The following ST18 variants were observed in gnomAD, a reference collection of about 807,000 sequenced individuals.
ST18 encodes ST18 C2H2C-type zinc finger transcription factor.
In ST18, 50 loss-of-function variants were observed where a neutral mutation model predicts 110.0. The observed-to-expected ratio is 0.45, with a 90% confidence interval of 0.36 to 0.58. The LOEUF (loss-of-function observed/expected upper bound fraction) is 0.58, where lower values mean the gene tolerates loss of function less well. Among genes scored for constraint, ST18 ranks in the 20% least tolerant of loss-of-function variants. ST18 has a pLI of 0.00. For synonymous variants in ST18, 461 were observed against 452.4 expected (o/e 1.02, Z -0.24); for missense variants, 1,306 against 1,280.1 (o/e 1.02, Z -0.31).
chr8:52,200,215 A>G (rs2077494011), intron 8 of ST18, among the ~76,000 whole-genome samples: 1 of 152,250 alleles, frequency 6.6e-6, no homozygotes, highest in African/African-American at 2.4e-5. Context: ...AACAAAGTAA[A>G]TAAGTAGTTG....
chr8:52,363,308 TAA>T (rs1826511967), intron 2 of ST18, among the ~76,000 whole-genome samples: 1 of 152,230 alleles, frequency 6.6e-6, no homozygotes, highest in African/African-American at 2.4e-5. Flanking sequence ...GCTATAATAT[TAA>T]GTGGGTAAAC....
chr8:52,190,808 T>A (rs1327850130), intron 8 of ST18, among the ~76,000 whole-genome samples: 2 of 152,166 alleles, frequency 1.3e-5, no homozygotes, highest in East Asian at 3.9e-4. Flanking sequence ...AAGCAGGAGG[T>A]GGCAAGTATT....
intron 2 of ST18, among the ~76,000 whole-genome samples, chr8:52,242,264 T>A (rs1305087757): frequency 6.6e-6 from 1 of 152,206 alleles, no homozygotes; most frequent in African/African-American, 2.4e-5. Context: ...TCAAATATAT[T>A]TTAAAGCAAC....
chr8:52,172,058 T>G lies in ST18; in HGVS notation c.803A>C (p.Asp268Ala). 2 of 1,614,250 alleles carry G rather than the reference T, an allele frequency of 1.2e-6. No homozygotes were observed. Among genetic ancestry groups the G allele is most frequent in the Non-Finnish European group, 1.7e-6 (2 of 1,180,050 alleles). ...DPQNALAEPL[D>A]GNAQPSFPDV... ...AGGGAATGAGGGCTGGGCATTGCCA[T>G]CCAGGGGTTCTGCGAGAGCATTCTG... The change falls in exon 10 of 26, where the codon GAT becomes GCT. Residue 268 changes from aspartate to alanine, a missense_variant. Asp to Ala is a moderately radical substitution (Grantham distance 126). Coordinates refer to ENST00000689386, the MANE Select transcript of ST18 (RefSeq NM_001352837.2).
intron 22 of ST18, among the ~76,000 whole-genome samples, chr8:52,127,257 C>T (rs1217945448): frequency 6.6e-6 from 1 of 152,076 alleles, no homozygotes; most frequent in African/African-American, 2.4e-5. Flanking sequence ...TAGACATATA[C>T]TATTACATAT....
chr8:52,329,804 A>C (rs1256022912), intron 2 of ST18, among the ~76,000 whole-genome samples: 1 of 152,090 alleles, frequency 6.6e-6, no homozygotes, highest in Non-Finnish European at 1.5e-5. Flanking sequence ...GAAACCAGGG[A>C]AGGTTGAACC....
intron 17 of ST18, among the ~76,000 whole-genome samples, chr8:52,142,712 A>G (rs1456274718): frequency 1.3e-5 from 2 of 152,200 alleles, no homozygotes; most frequent in Non-Finnish European, 1.5e-5. Flanking sequence ...TAATTGTGTT[A>G]TCTTATTTTG....
chr8:52,116,096 T>C (rs1190167725), intron 25 of ST18, among the ~76,000 whole-genome samples, 179 bp downstream of exon 25: 2 of 152,206 alleles, frequency 1.3e-5, no homozygotes, highest in Non-Finnish European at 1.5e-5. Context: ...TTTAAATAAA[T>C]GTATCTACCA....
At chr8:52,137,096 A>T (rs1340540848) in intron 18 of ST18, among the ~76,000 whole-genome samples, 1 of 152,162 alleles carries the variant, frequency 6.6e-6, no homozygotes, top group East Asian at 1.9e-4. Flanking sequence ...GATTGAGGGT[A>T]TTACTTTTCC....
rs1159772328 is a variant in ST18 at position 52,172,146 on chromosome 8, C to G, written c.715G>C (p.Glu239Gln). 1.9e-6 allele frequency: 3 copies of G among 1,614,176 alleles called. No homozygotes were observed. The highest frequency in any genetic ancestry group is 2.5e-6 in the Non-Finnish European group (3 of 1,180,036). The change falls in exon 10 of 26, where the codon GAA (glutamate) becomes CAA (glutamine). Residue 239 changes from glutamate (E) to glutamine (Q), a missense_variant. Coordinates refer to ENST00000689386, the MANE Select transcript of ST18 (RefSeq NM_001352837.2). ...DLLEVPEIKT[E>Q]GDKFIPCENR... is the part of the protein sequence containing the mutation. ...TCACAAGGGATAAATTTGTCACCTT[C>G]AGTTTTTATTTCAGGAACTTCCAAT... is the stretch of plus-strand genomic sequence containing the variant.
intron 5 of ST18, 88 bp downstream of exon 5, chr8:52,220,653 T>C (rs1017608198): frequency 2.0e-5 from 3 of 152,150 alleles, no homozygotes; most frequent in Non-Finnish European, 4.4e-5. Context: ...AGAGCTGTTG[T>C]AGAGGAGAGC....
At chr8:52,124,833 A>T (rs1033101745) in intron 23 of ST18, among the ~76,000 whole-genome samples, 1 of 149,588 alleles carries the variant, frequency 6.7e-6, no homozygotes, top group African/African-American at 2.5e-5. Context: ...AATACAGCAG[A>T]TGAAGGCCTT....
chr8:52,209,480 T>C (rs570048378), intron 8 of ST18, among the ~76,000 whole-genome samples: 1 of 152,170 alleles, frequency 6.6e-6, no homozygotes, highest in African/African-American at 2.4e-5. Flanking sequence ...CCAATAAATA[T>C]TAGTTTATTG....
chr8:52,202,302 T>C (rs141297296), intron 8 of ST18, among the ~76,000 whole-genome samples: 23 of 152,250 alleles, frequency 1.5e-4, no homozygotes, highest in Admixed American at 5.9e-4. Flanking sequence ...TAATGTAAAA[T>C]AAAATATTTC....
chr8:52,200,293 G>C (rs939539997), intron 8 of ST18, among the ~76,000 whole-genome samples: 2 of 152,198 alleles, frequency 1.3e-5, no homozygotes, highest in East Asian at 1.9e-4. Context: ...AATAAAGAAG[G>C]CTGGAATAAG....
At chr8:52,383,683 G>A (rs765159585) in intron 2 of ST18, among the ~76,000 whole-genome samples, 3 of 152,162 alleles carry the variant, frequency 2.0e-5, no homozygotes, top group Non-Finnish European at 4.4e-5. Flanking sequence ...TCCTGACCTC[G>A]TGATCCACCC....
chr8:52,175,850 C>T (rs1001212268), intron 9 of ST18, among the ~76,000 whole-genome samples: 1 of 152,150 alleles, frequency 6.6e-6, no homozygotes, highest in African/African-American at 2.4e-5. Flanking sequence ...CCCTCTGAAA[C>T]ATACTACTCC....
chr8:52,178,648 C>CAAAAAAAAAAAAAAAAAAA, intron 9 of ST18, among the ~76,000 whole-genome samples: 1 of 37,420 alleles, frequency 2.7e-5, no homozygotes. Flanking sequence ...AAAAAACCAC[C>CAAAAAAAAAAAAAAAAAAA]AAAAACCAAA....
chr8:52,200,912 T>A (rs1199571378), intron 8 of ST18: 1 of 152,186 alleles, frequency 6.6e-6, no homozygotes, highest in African/African-American at 2.4e-5. Context: ...AGGGATCCAT[T>A]TGCAGATACT....
Sources: allele counts gnomAD v4.1 joint callset (sites outside exome capture counted in the v4.1 genomes callset), GRCh38; gene constraint gnomAD v4.1.1; transcripts MANE v1.5; gene names NCBI Gene and HGNC (gene_info 2026-07-23, HGNC 2026-07-21).